The following NLRC5 variants were observed in gnomAD, a reference collection of about 807,000 sequenced individuals.
NLRC5 encodes NLR family CARD domain containing 5, also known as protein NLRC5.
Under a neutral mutation model 206.9 loss-of-function variants are expected in NLRC5, and 114 were observed. The ratio of observed to expected loss-of-function variants is 0.55; its 90% CI spans 0.47 to 0.64. NLRC5 has a LOEUF of 0.64. Among genes scored for constraint, NLRC5 ranks in the 30% least tolerant of loss-of-function variants. The pLI is 0.00. For synonymous variants in NLRC5, 952 were observed against 962.8 expected (o/e 0.99, Z 0.21); for missense variants, 2,008 against 2,305.5 (o/e 0.87, Z 2.64).
In NLRC5 at chr16:57,026,185, C is replaced by T. The variant is rs61738710; in HGVS notation, c.1242C>T (p.Leu414=). The change falls in exon 6 of 49, where the codon CTC becomes CTT. Residue 414 remains leucine, a synonymous_variant. Coordinates refer to ENST00000688547, the MANE Select transcript of NLRC5 (RefSeq NM_001384950.1). ...AVPALCQVAC[L]CLHHLLPDHA... ...CCGCACTGTGCCAAGTCGCCTGTCTCTGCCTCCACCATCTGCTTCCTGACC... is the reference window on the plus strand; with the variant it reads ...CCGCACTGTGCCAAGTCGCCTGTCTTTGCCTCCACCATCTGCTTCCTGACC... The T allele has an allele frequency of 0.056, 90,457 of 1,613,780 alleles. 2,991 individuals carry two copies. Among genetic ancestry groups the T allele is most frequent in the Non-Finnish European group, 0.065 (76,511 of 1,180,020 alleles).
chr16:57,081,633 G>A (rs765752263), intron 48 of NLRC5, 23 bp downstream of exon 48: 40 of 1,604,778 alleles, frequency 2.5e-5, no homozygotes, highest in Middle Eastern at 1.6e-4. Flanking sequence ...TGCAGGGGCA[G>A]GGATGGTGGG....
chr16:57,070,678 A>G (rs1597437518), intron 38 of NLRC5, 60 bp downstream of exon 38: 1 of 1,307,706 alleles, frequency 7.6e-7, no homozygotes, highest in Non-Finnish European at 1.1e-6. Context: ...GGATGGTGGA[A>G]GTGGGTGAGT....
At chr16:57,045,257 C>T (rs1331249083) in intron 20 of NLRC5, 191 bp from the exon 21 acceptor site, 17 of 595,872 alleles carry the variant, frequency 2.9e-5, no homozygotes, top group Non-Finnish European at 6.1e-6. Flanking sequence ...TTGTGAGAAT[C>T]AAATGAGAAA....
intron 33 of NLRC5, among the ~76,000 whole-genome samples, chr16:57,065,569 C>G (rs1294615206): frequency 1.3e-5 from 2 of 152,178 alleles, no homozygotes; most frequent in African/African-American, 2.4e-5. Flanking sequence ...GGAGTCCACG[C>G]TGGTTGCTTG....
intron 15 of NLRC5, among the ~76,000 whole-genome samples, 171 bp downstream of exon 15, chr16:57,037,455 G>A (rs2062742228): frequency 6.6e-6 from 1 of 152,080 alleles, no homozygotes. Context: ...GTGGATATAG[G>A]CTGCTCATGG....
intron 1 of NLRC5, among the ~76,000 whole-genome samples, chr16:57,016,717 T>C (rs1358712280): frequency 6.6e-6 from 1 of 152,234 alleles, no homozygotes; most frequent in Non-Finnish European, 1.5e-5. Flanking sequence ...TAAGGATTAT[T>C]TCATTTTCAT....
chr16:57,015,492 C>T (rs1336469233), intron 1 of NLRC5, among the ~76,000 whole-genome samples: 1 of 152,078 alleles, frequency 6.6e-6, no homozygotes, highest in African/African-American at 2.4e-5. Context: ...TGACCCATGC[C>T]TGCAGTCCCA....
At chr16:57,076,749 T>C in intron 39 of NLRC5, 70 bp from the exon 40 acceptor site, 1 of 1,429,450 alleles carries the variant, frequency 7.0e-7, no homozygotes, top group Non-Finnish European at 9.9e-7. Flanking sequence ...AACTGTAGAG[T>C]TCTTAGCACA....
intron 23 of NLRC5, among the ~76,000 whole-genome samples, chr16:57,049,191 C>A (rs1202120933): frequency 2.0e-5 from 3 of 152,150 alleles, no homozygotes; most frequent in African/African-American, 7.2e-5. Context: ...TATTCAAAGC[C>A]ATCCTAGGCT....
chr16:57,073,468 G>T lies in NLRC5; in HGVS notation c.4668-1132G>T, dbSNP rs2068016102. Among the ~76,000 whole-genome samples, 3 of 152,186 alleles carry T rather than the reference G, an allele frequency of 2.0e-5. No individual in the cohort carries two copies. In the South Asian group the frequency reaches 6.2e-4, roughly 32 times the overall value. On this transcript the variant is annotated intron_variant, in intron 38 of 48. Coordinates refer to ENST00000688547, the MANE Select transcript of NLRC5 (RefSeq NM_001384950.1). The stretch of plus-strand genomic sequence containing the variant: ...CTGCCTGGGTTCAACTCTGGGTGGG[G>T]TAACTGACACTTCCAGTTTGCTTGG...
intron 1 of NLRC5, among the ~76,000 whole-genome samples, chr16:57,014,747 A>G (rs768291941): frequency 6.6e-6 from 1 of 152,136 alleles, no homozygotes; most frequent in African/African-American, 2.4e-5. Context: ...TGGGTGGCTT[A>G]AACAACAGAA....
At chr16:57,021,531 A>G (rs2060668650) in intron 3 of NLRC5, among the ~76,000 whole-genome samples, 1 of 152,054 alleles carries the variant, frequency 6.6e-6, no homozygotes, top group African/African-American at 2.4e-5. Context: ...CCACCACATT[A>G]GGCTAATTTT....
At chr16:57,029,343 G>A (rs915533133) in intron 8 of NLRC5, among the ~76,000 whole-genome samples, 2 of 152,170 alleles carry the variant, frequency 1.3e-5, no homozygotes, top group South Asian at 2.1e-4. Context: ...AGAGGAATGC[G>A]CTTGGCTCAG....
At chr16:57,053,313 G>A (rs1043631191) in intron 24 of NLRC5, among the ~76,000 whole-genome samples, 1 of 152,148 alleles carries the variant, frequency 6.6e-6, no homozygotes, top group Non-Finnish European at 1.5e-5. Flanking sequence ...CAGAGGGAAC[G>A]GCATGTGTGA....
intron 20 of NLRC5, among the ~76,000 whole-genome samples, chr16:57,044,172 G>A (rs959997792): frequency 4.0e-5 from 6 of 151,124 alleles, no homozygotes; most frequent in Non-Finnish European, 7.4e-5. Context: ...GTATCTGGGC[G>A]TGGTTGTGAG....
At chr16:57,060,033 A>C (rs912223043) in intron 30 of NLRC5, among the ~76,000 whole-genome samples, 1 of 124,046 alleles carries the variant, frequency 8.1e-6, no homozygotes, top group Non-Finnish European at 1.5e-5. Flanking sequence ...TGTTATTATT[A>C]TTATTATTAT....
chr16:57,044,305 A>AG (rs2063667682), intron 20 of NLRC5, among the ~76,000 whole-genome samples: 1 of 53,274 alleles, frequency 1.9e-5, no homozygotes, highest in African/African-American at 9.0e-5. Context: ...ACTCCATCTC[A>AG]AAAAAAAAAA....
In NLRC5 at chr16:57,034,110, G is replaced by A. The variant is rs1182936224; in HGVS notation, c.2544-58G>A. 5.6e-6 allele frequency: 8 copies of A among 1,433,892 alleles called. No homozygotes were observed. In the East Asian group the frequency reaches 1.4e-4, roughly 25 times the overall value. The allele number at this position is 1,433,892 out of a possible 1,614,324, so 88.8% of individuals were successfully genotyped here. A position where few individuals can be genotyped will look rare whatever the true frequency, so the allele number is the denominator to read the frequency against. On this transcript the variant is annotated intron_variant, in intron 12 of 48. Transcript: ENST00000688547. Reference sequence around the variant, plus strand: ...ACTCCCCCAGCATTGGAAGCTGGAGGGGCCATGGAGTAGGGGCTGTTTGCC... The same window carrying A: ...ACTCCCCCAGCATTGGAAGCTGGAGAGGCCATGGAGTAGGGGCTGTTTGCC...
chr16:57,013,444 T>A, intron 1 of NLRC5: 1 of 671,410 alleles, frequency 1.5e-6, no homozygotes, highest in East Asian at 2.6e-5. Context: ...GTGTTTCTGA[T>A]GAAGGAAATA....
Sources: allele counts gnomAD v4.1 joint callset (sites outside exome capture counted in the v4.1 genomes callset), GRCh38; gene constraint gnomAD v4.1.1; transcripts MANE v1.5; gene names NCBI Gene and HGNC (gene_info 2026-07-23, HGNC 2026-07-21).